The following COL4A5 variants were observed in gnomAD, a reference collection of about 807,000 sequenced individuals.
COL4A5 encodes the protein collagen type IV alpha 5 chain.
A neutral mutation model predicts 130.2 loss-of-function variants in COL4A5; 26 were observed. The ratio of observed to expected loss-of-function variants is 0.20; its 90% confidence interval spans 0.15 to 0.28. COL4A5 has a LOEUF of 0.28. COL4A5 is among the 10% of genes least tolerant of loss of function. The pLI, the probability that COL4A5 is intolerant of heterozygous loss-of-function variation, is 1.00. For synonymous variants in COL4A5, 496 were observed against 439.6 expected (o/e 1.13, Z -1.60); for missense variants, 1,131 against 1,344.3 (o/e 0.84, Z 2.48).
chrX:108,642,094 G>C (rs1336183315), intron 36 of COL4A5, among the ~76,000 whole-genome samples: 1 of 110,626 alleles, frequency 9.0e-6, no homozygotes, highest in Non-Finnish European at 1.9e-5. Context: ...TGGGAGTTGG[G>C]TGAGGCCTGT....
chrX:108,681,108 T>C (rs896070304), intron 46 of COL4A5, 152 bp downstream of exon 46: 7 of 473,413 alleles, frequency 1.5e-5, no homozygotes, highest in Admixed American at 3.7e-5. Context: ...TTTACTAATC[T>C]CTTAAATTCT....
At chrX:108,553,411 A>G (rs1243265304) in intron 2 of COL4A5, among the ~76,000 whole-genome samples, 1 of 112,043 alleles carries the variant, frequency 8.9e-6, no homozygotes, top group East Asian at 2.8e-4. Context: ...AGCTCCACAT[A>G]AAATTTAATT....
In COL4A5 at chrX:108,586,629, T is replaced by A; in HGVS notation, c.1047T>A (p.Pro349=). 1 of 1,206,931 alleles carries A rather than the reference T, an allele frequency of 8.3e-7. No homozygotes were observed. The highest frequency in any genetic ancestry group is 1.8e-5 in the South Asian group (1 of 56,844). ...PGPPGLVIPR[P]GTGITIGEKG... ...TGGTAATAAAGGTAATTCCTAGACCTGGGACTGGTATAACTATAGGAGAAA... is the reference window on the plus strand; with the variant it reads ...TGGTAATAAAGGTAATTCCTAGACCAGGGACTGGTATAACTATAGGAGAAA... Residue 349 remains proline, a synonymous_variant, in exon 19 of 53, where the codon CCT becomes CCA. Coordinates refer to ENST00000328300, the MANE Select transcript of COL4A5 (RefSeq NM_033380.3).
intron 1 of COL4A5, among the ~76,000 whole-genome samples, chrX:108,442,397 C>T (rs2064411152): frequency 9.0e-6 from 1 of 111,268 alleles, no homozygotes; most frequent in South Asian, 3.8e-4. Flanking sequence ...AAAGTAACCT[C>T]TATGCCAAAA....
At chrX:108,628,893 ATATT>A in intron 36 of COL4A5, among the ~76,000 whole-genome samples, 1 of 112,104 alleles carries the variant, frequency 8.9e-6, no homozygotes, top group African/African-American at 3.2e-5. Context: ...CAAGGAGCTT[ATATT>A]TAGTCAAGGA....
chrX:108,671,731 G>A (rs897420376), intron 42 of COL4A5, among the ~76,000 whole-genome samples: 13 of 111,923 alleles, frequency 1.2e-4, no homozygotes, highest in African/African-American at 3.9e-4. Flanking sequence ...GCCAGAAACA[G>A]GCCAAGGATT....
rs756794111 is a variant in COL4A5 at position 108,692,777 on chromosome X, A to G, written c.4558A>G (p.Ser1520Gly). Residue 1520 changes from serine to glycine, a missense_variant, in exon 50 of 53, where the codon AGT becomes GGT. Coordinates refer to ENST00000328300, the MANE Select transcript of COL4A5 (RefSeq NM_033380.3). ...GGCTGGCAGCTGCCTTCGTCGCTTT[A>G]GTACCATGCCTTTCATGTTCTGCAA... The part of the protein sequence containing the change: ...GTAGSCLRRF[S>G]TMPFMFCNIN... The G allele has an allele frequency of 2.5e-6, 3 of 1,211,528 alleles. No homozygotes were observed. The South Asian group carries it at 5.3e-5, about 21-fold the overall frequency.
intron 42 of COL4A5, chrX:108,670,752 A>G (rs759775112): frequency 1.2e-5 from 4 of 323,572 alleles, no homozygotes; most frequent in Non-Finnish European, 2.4e-5. Context: ...TTAAAAATGG[A>G]CTAATAGGGC....
chrX:108,622,930 C>A, intron 33 of COL4A5, 105 bp downstream of exon 33: 1 of 697,466 alleles, frequency 1.4e-6, no homozygotes, highest in Non-Finnish European at 2.1e-6. Flanking sequence ...CCAACAAAGG[C>A]ACTTAAATGC....
intron 18 of COL4A5, 21 bp from the exon 19 acceptor site, chrX:108,586,594 T>A (rs1331497345): frequency 8.4e-7 from 1 of 1,191,200 alleles, no homozygotes; most frequent in Non-Finnish European, 1.1e-6. Context: ...TTCTTTATTT[T>A]TTTTTTCTTT....
At chrX:108,456,767 A>G (rs1365654550) in intron 1 of COL4A5, among the ~76,000 whole-genome samples, 1 of 112,241 alleles carries the variant, frequency 8.9e-6, no homozygotes, top group Non-Finnish European at 1.9e-5. Flanking sequence ...GTTAAATTTC[A>G]TCAAAAAATA....
chrX:108,591,294 A>C (rs1461318632), intron 20 of COL4A5, 63 bp downstream of exon 20: 12 of 1,058,858 alleles, frequency 1.1e-5, no homozygotes, highest in Non-Finnish European at 1.4e-5. Flanking sequence ...TTTATAAGTA[A>C]CTCTAGCTAA....
At chrX:108,608,209 G>A (rs1179148641) in intron 29 of COL4A5, among the ~76,000 whole-genome samples, 1 of 111,677 alleles carries the variant, frequency 9.0e-6, no homozygotes, top group Non-Finnish European at 1.9e-5. Flanking sequence ...GCCTTGATAA[G>A]TGAGTATGCT....
chrX:108,682,106 G>T (rs1399220497), intron 47 of COL4A5, among the ~76,000 whole-genome samples: 1 of 110,722 alleles, frequency 9.0e-6, no homozygotes, highest in Non-Finnish European at 1.9e-5. Context: ...CCCTCCCTGT[G>T]TCCATGTGTT....
chrX:108,585,614 C>A (rs2066322959), intron 18 of COL4A5, among the ~76,000 whole-genome samples: 1 of 111,225 alleles, frequency 9.0e-6, no homozygotes, highest in Non-Finnish European at 1.9e-5. Flanking sequence ...TGAAATATCA[C>A]ACTGCTATTA....
intron 1 of COL4A5, among the ~76,000 whole-genome samples, chrX:108,474,541 A>G (rs1364983218): frequency 8.9e-6 from 1 of 112,240 alleles, no homozygotes; most frequent in Non-Finnish European, 1.9e-5. Flanking sequence ...ATTTCTCAGA[A>G]CATATCCCCA....
At chrX:108,642,709 A>T (rs780783702) in intron 36 of COL4A5, among the ~76,000 whole-genome samples, 1 of 109,929 alleles carries the variant, frequency 9.1e-6, no homozygotes, top group African/African-American at 3.3e-5. Flanking sequence ...TCAAGGGAAC[A>T]TCCCATGGGA....
intron 21 of COL4A5, among the ~76,000 whole-genome samples, chrX:108,594,138 T>A (rs2147803321): frequency 8.9e-6 from 1 of 112,290 alleles, no homozygotes; most frequent in Non-Finnish European, 1.9e-5. Context: ...CACTCACATC[T>A]TCAGCTTCTT....
rs756466459 is a variant in COL4A5, at chrX:108,569,878, C to T, written c.384+1057C>T. 2.3e-4 allele frequency among the ~76,000 whole-genome samples: 25 copies of T among 110,705 alleles called. No homozygotes were observed. In the East Asian group the frequency reaches 7.1e-3, roughly 32 times the overall value. On this transcript the variant is annotated intron_variant, in intron 6 of 52. Coordinates refer to ENST00000328300, the MANE Select transcript of COL4A5 (RefSeq NM_033380.3). ...TGTATTTTTAGTAGAGATGGGGTTT[C>T]ACCATGTTGGTCAGGCTGGTCTCGA...
Sources: gnomAD v4.1 joint callset for allele counts (sites outside exome capture counted in the v4.1 genomes callset) on GRCh38, gnomAD v4.1.1 for gene constraint, MANE v1.5 for transcripts, NCBI Gene and HGNC (gene_info 2026-07-23, HGNC 2026-07-21) for gene names.